The following KDSR variants were observed in gnomAD, a reference collection of about 807,000 sequenced individuals.
The protein encoded by KDSR is 3-ketodihydrosphingosine reductase, also known as 3-dehydrosphinganine reductase.
Under a neutral mutation model 41.3 loss-of-function variants are expected in KDSR, and 23 were observed. That is an observed-to-expected ratio of 0.56 (90% CI 0.40 to 0.79). KDSR has a LOEUF of 0.79. Ranked by LOEUF, KDSR falls within the 30% of genes least tolerant of loss-of-function variation. The pLI is 0.00. For missense variants in KDSR, 351 were observed against 416.8 expected, an observed-to-expected ratio of 0.84 and a Z score of 1.37; for synonymous variants, 138 against 151.7, an observed-to-expected ratio of 0.91 and a Z score of 0.66.
At chr18:63,349,723 A>G (rs1007028811) in intron 6 of KDSR, among the ~76,000 whole-genome samples, 1 of 152,248 alleles carries the variant, frequency 6.6e-6, no homozygotes, top group Non-Finnish European at 1.5e-5. Flanking sequence ...AAGGTCTCTT[A>G]TGGGGTCTTC....
At position 63,359,724 on chromosome 18, in the gene KDSR, A is replaced by T. The variant is rs1914908708; in HGVS notation, c.255+12T>A. On this transcript the variant is annotated intron_variant, in intron 3 of 9. Transcript: ENST00000645214. ...GTTATACAGAAAATGCATTCTGAAG[A>T]CAGAGATTTACCTGTTTGTCATTAA... 1.3e-6 allele frequency: 2 copies of T among 1,566,008 alleles called. No homozygotes were observed. The highest frequency in any genetic ancestry group is 1.7e-5 in the Admixed American group (1 of 59,928).
At chr18:63,355,797 A>G (rs1161982930) in intron 3 of KDSR, among the ~76,000 whole-genome samples, 1 of 152,230 alleles carries the variant, frequency 6.6e-6, no homozygotes, top group African/African-American at 2.4e-5. Context: ...TTGAAATGCC[A>G]CTAATCTATA....
intron 6 of KDSR, among the ~76,000 whole-genome samples, chr18:63,347,495 CAAAAAAAAAAAA>C (rs36023779): frequency 5.3e-5 from 3 of 56,984 alleles, no homozygotes; most frequent in East Asian, 4.7e-4. Context: ...GACTCCATCT[CAAAAAAAAAAAA>C]AAAAAAAAAA....
At chr18:63,350,243 T>C (rs1429986353) in intron 6 of KDSR, among the ~76,000 whole-genome samples, 1 of 152,234 alleles carries the variant, frequency 6.6e-6, no homozygotes, top group East Asian at 1.9e-4. Context: ...AGGTGTAAAG[T>C]TGCACTCATC....
intron 1 of KDSR, 62 bp from the exon 2 acceptor site, chr18:63,362,930 TA>T (rs1422436651): frequency 4.5e-6 from 5 of 1,114,946 alleles, no homozygotes; most frequent in African/African-American, 1.6e-5. Context: ...GAAGTTTTTA[TA>T]AAAAACAACT....
rs1913852743 is a variant in KDSR, at chr18:63,327,889, TTA to T, written c.*3891_*3892del. On this transcript the variant is annotated 3_prime_UTR_variant, in exon 10 of 10. Coordinates refer to ENST00000645214, the MANE Select transcript of KDSR (RefSeq NM_002035.4). ...TGCGCTTTTATCAGTTAAAAAGTCT[TTA>T]GAGTTATCACATCAAGCAAGTGTAA... The T allele has an allele frequency of 5.0e-6, 1 of 199,190 alleles. No individual in the cohort carries two copies. Among genetic ancestry groups the T allele is most frequent in the Non-Finnish European group, 1.0e-5 (1 of 96,436 alleles). The allele number at this position is 199,190 out of a possible 1,614,324, so 12.3% of individuals were successfully genotyped here.
In KDSR at chr18:63,335,291, G is replaced by A; in HGVS notation, c.845C>T (p.Ala282Val). Residue 282 changes from alanine (A) to valine (V), a missense_variant, in exon 9 of 10, where the codon GCT becomes GTT. By Grantham distance (64) the Ala-to-Val change is moderately conservative. Coordinates refer to ENST00000645214, the MANE Select transcript of KDSR (RefSeq NM_002035.4). ...YMLSALTCGM[A>V]PVTSITEGLQ... Reference sequence around the variant, plus strand: ...CCCCTCAGTAATAGAAGTTACTGGAGCCATCCCACAGGTCAGGGCCGAGAG... The same window carrying A: ...CCCCTCAGTAATAGAAGTTACTGGAACCATCCCACAGGTCAGGGCCGAGAG... The A allele has an allele frequency of 6.2e-7, 1 of 1,613,898 alleles. No homozygotes were observed. The highest frequency in any genetic ancestry group is 8.5e-7 in the Non-Finnish European group (1 of 1,179,814).
At chr18:63,366,922 TG>T in intron 1 of KDSR, 88 bp downstream of exon 1, 1 of 632,104 alleles carries the variant, frequency 1.6e-6, no homozygotes, top group Non-Finnish European at 2.4e-6. Flanking sequence ...GACCGCGGCC[TG>T]GAAAAAGGGA....
At chr18:63,344,099 C>T (rs1914427751) in intron 7 of KDSR, among the ~76,000 whole-genome samples, 1 of 152,184 alleles carries the variant, frequency 6.6e-6, no homozygotes, top group African/African-American at 2.4e-5. Flanking sequence ...ATTGCTTGAG[C>T]CTGAGAGTTT....
intron 3 of KDSR, among the ~76,000 whole-genome samples, chr18:63,358,873 A>G (rs905735634): frequency 6.7e-6 from 1 of 149,696 alleles, no homozygotes; most frequent in African/African-American, 2.4e-5. Context: ...ATGTGCATAT[A>G]TGGTAAAATT....
Position 63,331,931 on chromosome 18 carries a change from A to C in KDSR, c.880-30T>G, listed in dbSNP as rs200001154. 3.1e-6 allele frequency: 5 copies of C among 1,610,572 alleles called. No homozygotes were observed. In the African/African-American group the frequency reaches 6.7e-5, roughly 22 times the overall value. On this transcript the variant is annotated intron_variant, in intron 9 of 9. Transcript: ENST00000645214. ...AAGATAAAGAGAGAGCTTTTAGTGC[A>C]TCCAACGGTACAAGACTATTTCAAG...
Position 63,328,028 on chromosome 18 carries a change from G to T in KDSR, c.*3754C>A, listed in dbSNP as rs698708. The T allele has an allele frequency of 2.5e-5, 5 of 200,386 alleles. No individual in the cohort carries two copies. The highest frequency in any genetic ancestry group is 2.3e-5 in the African/African-American group (1 of 43,352). The allele number at this position is 200,386 out of a possible 1,614,324, so 12.4% of individuals were successfully genotyped here. The stretch of plus-strand genomic sequence containing the variant: ...GAATATGGAAGGTTCTGGTTGGCAG[G>T]TACTTTTTAAAGCTGACTTACTAAG... On this transcript the variant is annotated 3_prime_UTR_variant, in exon 10 of 10. Transcript: ENST00000645214.
In KDSR at chr18:63,327,938, C is replaced by A. The variant is rs1439765131; in HGVS notation, c.*3844G>T. The A allele has an allele frequency of 4.9e-6, 1 of 203,212 alleles. No individual in the cohort carries two copies. Among genetic ancestry groups the A allele is most frequent in the Non-Finnish European group, 1.0e-5 (1 of 99,150 alleles). The allele number at this position is 203,212 out of a possible 1,614,324, so 12.6% of individuals were successfully genotyped here. The stretch of plus-strand genomic sequence containing the variant: ...GTAAAATATAATAGCTACTATCTCC[C>A]CTTCAAAATTGCAAATCCACAGTTA... On this transcript the variant is annotated 3_prime_UTR_variant, in exon 10 of 10. Coordinates refer to ENST00000645214, the MANE Select transcript of KDSR (RefSeq NM_002035.4).
At chr18:63,354,013 GA>G (rs959504172) in intron 5 of KDSR, among the ~76,000 whole-genome samples, 3 of 150,936 alleles carry the variant, frequency 2.0e-5, no homozygotes, top group African/African-American at 7.3e-5. Context: ...GTAGGACAAT[GA>G]AAAAAAAAGG....
chr18:63,354,647 G>A (rs561784462), intron 5 of KDSR, among the ~76,000 whole-genome samples: 1 of 152,260 alleles, frequency 6.6e-6, no homozygotes, highest in African/African-American at 2.4e-5. Context: ...CAGCCTGAGT[G>A]ACAGAGTGAA....
In KDSR at chr18:63,331,652, G is replaced by T; in HGVS notation, c.*130C>A. 1.2e-6 allele frequency: 1 copy of T among 809,652 alleles called. No individual in the cohort carries two copies. Among genetic ancestry groups the T allele is most frequent in the Non-Finnish European group, 1.9e-6 (1 of 514,918 alleles). 50.2% of individuals were successfully genotyped at this position (809,652 alleles called of 1,614,324 possible). ...GCCCCTTGCTTGCAGCCACATTCCT[G>T]AAGAGCACTGGTCCAATCTGACGTA... On this transcript the variant is annotated 3_prime_UTR_variant, in exon 10 of 10. Transcript: ENST00000645214.
rs1462848468 is a variant in KDSR at position 63,330,969 on chromosome 18, T to C, written c.*813A>G. The stretch of plus-strand genomic sequence containing the variant: ...CTTAAGCTTCTAGATTTTACCGCTC[T>C]TCAGAAAACATTTAAGGAGGCTGCC... On this transcript the variant is annotated 3_prime_UTR_variant, in exon 10 of 10. Coordinates refer to ENST00000645214, the MANE Select transcript of KDSR (RefSeq NM_002035.4). 1.7e-5 allele frequency: 4 copies of C among 231,556 alleles called. No individual in the cohort carries two copies. The highest frequency in any genetic ancestry group is 8.8e-5 in the African/African-American group (4 of 45,222). The allele number at this position is 231,556 out of a possible 1,614,324, so 14.3% of individuals were successfully genotyped here. A position where few individuals can be genotyped will look rare whatever the true frequency, so the allele number is the denominator to read the frequency against.
chr18:63,349,183 A>T (rs1181172848), intron 6 of KDSR, among the ~76,000 whole-genome samples: 1 of 152,086 alleles, frequency 6.6e-6, no homozygotes, highest in African/African-American at 2.4e-5. Flanking sequence ...GGCGTTTGAG[A>T]CCAGCTTTGG....
In KDSR at chr18:63,350,984, C is replaced by T. The variant is rs1384059912; in HGVS notation, c.513G>A (p.Val171=). The T allele has an allele frequency of 3.7e-6, 6 of 1,614,046 alleles. No individual in the cohort carries two copies. The highest frequency in any genetic ancestry group is 5.1e-6 in the Non-Finnish European group (6 of 1,179,994). ...ATCCCAACTGTCCTGCCTGGGAGGA[C>T]ACAAACACGATCCTGCCCACCCGGC... ...KERRVGRIVF[V]SSQAGQLGLF... is the part of the protein sequence containing the mutation. The change falls in exon 6 of 10, where the codon GTG becomes GTA. Residue 171 remains valine, a synonymous_variant. Coordinates refer to ENST00000645214, the MANE Select transcript of KDSR (RefSeq NM_002035.4).
Sources: allele counts gnomAD v4.1 joint callset (sites outside exome capture counted in the v4.1 genomes callset), GRCh38; gene constraint gnomAD v4.1.1; transcripts MANE v1.5; gene names NCBI Gene and HGNC (gene_info 2026-07-23, HGNC 2026-07-21).